Variants in STK24 observed in about 807,000 individuals in gnomAD.
STK24 encodes serine/threonine-protein kinase 24.
STK24 carries 21 observed loss-of-function variants against 55.6 expected under a neutral mutation model. The ratio of observed to expected loss-of-function variants is 0.38; its 90% CI spans 0.27 to 0.54. The LOEUF is 0.54. Ranked by LOEUF, STK24 falls within the 20% of genes least tolerant of loss-of-function variation. STK24 has a pLI of 0.79. For synonymous variants in STK24, 200 were observed against 215.2 expected (o/e 0.93, Z 0.62); for missense variants, 383 against 538.4 (o/e 0.71, Z 2.86).
intron 3 of STK24, among the ~76,000 whole-genome samples, chr13:98,478,457 T>G (rs2139295730): frequency 6.6e-6 from 1 of 152,284 alleles, no homozygotes; most frequent in East Asian, 1.9e-4. Flanking sequence ...GTCTTGGCCC[T>G]GAAGCACTGG....
At chr13:98,470,351 G>T (rs12857968) in intron 5 of STK24, among the ~76,000 whole-genome samples, 4,997 of 152,276 alleles carry the variant, frequency 0.033, 92 homozygotes, top group Non-Finnish European at 0.053. Context: ...GGTTGGTCTT[G>T]AACTCCTGGC....
At chr13:98,545,300 G>A (rs11617083) in intron 1 of STK24, among the ~76,000 whole-genome samples, 17,601 of 152,174 alleles carry the variant, frequency 0.12, 1,254 homozygotes, top group Non-Finnish European at 0.16. Context: ...GGCATATTTC[G>A]GGAAAAGCAG....
Position 98,576,966 on chromosome 13 carries a change from G to A in STK24, c.-180C>T, listed in dbSNP as rs924287544. 5 of 173,038 alleles carry A rather than the reference G, an allele frequency of 2.9e-5. No homozygotes were observed. Among genetic ancestry groups the A allele is most frequent in the Admixed American group, 2.0e-4 (3 of 14,742 alleles). The allele number at this position is 173,038 out of a possible 1,614,324, so 10.7% of individuals were successfully genotyped here. The stretch of plus-strand genomic sequence containing the variant: ...GGGGCTCAGCGGCGGGTGGCGGGCC[G>A]CGTCTCCATGCACGGCGCCAGGGAG... On this transcript the variant is annotated 5_prime_UTR_variant, in exon 1 of 11. Coordinates refer to ENST00000539966, the MANE Select transcript of STK24 (RefSeq NM_001032296.4).
intron 1 of STK24, among the ~76,000 whole-genome samples, chr13:98,523,863 C>T (rs1896342868): frequency 6.6e-6 from 1 of 152,202 alleles, no homozygotes; most frequent in African/African-American, 2.4e-5. Context: ...TGGGCACTGC[C>T]CCAGCGGAGG....
chr13:98,476,684 C>T (rs1169367889), intron 3 of STK24, among the ~76,000 whole-genome samples: 1 of 152,174 alleles, frequency 6.6e-6, no homozygotes, highest in South Asian at 2.1e-4. Flanking sequence ...TGGGGGCAAC[C>T]GAGACAGCCC....
At chr13:98,462,771 C>T (rs1041085924) in intron 7 of STK24, among the ~76,000 whole-genome samples, 3 of 152,192 alleles carry the variant, frequency 2.0e-5, no homozygotes, top group East Asian at 1.9e-4. Flanking sequence ...GACTCACACA[C>T]GGTTCACCCC....
Position 98,447,085 on chromosome 13 carries a change from G to A in STK24, c.*6088C>T, listed in dbSNP as rs1470294212. 9.9e-6 allele frequency: 4 copies of A among 404,764 alleles called. No homozygotes were observed. Among genetic ancestry groups the A allele is most frequent in the Non-Finnish European group, 1.8e-5 (4 of 219,340 alleles). The allele number at this position is 404,764 out of a possible 1,614,324, so 25.1% of individuals were successfully genotyped here. A position where few individuals can be genotyped will look rare whatever the true frequency, so the allele number is the denominator to read the frequency against. ...TGGAGATCTCTGACATAACGTGTCC[G>A]GGATGATGAAGCTAAGCCCCAGTGA... On this transcript the variant is annotated 3_prime_UTR_variant, in exon 11 of 11. Transcript: ENST00000539966.
intron 1 of STK24, among the ~76,000 whole-genome samples, chr13:98,525,709 C>T (rs7324994): frequency 0.3 from 45,448 of 152,028 alleles, 6,975 homozygotes; most frequent in Non-Finnish European, 0.33. Context: ...CCCCACAAGC[C>T]GCCTCACACT....
intron 1 of STK24, chr13:98,576,104 G>C (rs1312968732): frequency 1.0e-6 from 1 of 985,016 alleles, no homozygotes; most frequent in East Asian, 1.1e-4. Flanking sequence ...GGCTGTCCGA[G>C]GGATTCCTCC....
rs1897467769 is a variant in STK24, at chr13:98,562,976, T to C, written c.42+13769A>G. Among the ~76,000 whole-genome samples, 3 of 151,006 alleles carry C rather than the reference T, an allele frequency of 2.0e-5. No homozygotes were observed. The South Asian group carries it at 6.3e-4, about 32-fold the overall frequency. The stretch of plus-strand genomic sequence containing the variant: ...AAAATAGAAAATAACATATTTTATA[T>C]GAACGTACCTGCATGCACAGAAACG... On this transcript the variant is annotated intron_variant, in intron 1 of 10. Coordinates refer to ENST00000539966, the MANE Select transcript of STK24 (RefSeq NM_001032296.4).
At chr13:98,483,079 A>G (rs910525008) in intron 2 of STK24, among the ~76,000 whole-genome samples, 7 of 152,196 alleles carry the variant, frequency 4.6e-5, no homozygotes, top group African/African-American at 1.7e-4. Context: ...CACAAATCCC[A>G]AAGTGCTACT....
intron 1 of STK24, chr13:98,521,793 A>C (rs1189164980): frequency 1.3e-6 from 1 of 781,040 alleles, no homozygotes; most frequent in African/African-American, 1.7e-5. Context: ...CTCCAGGATG[A>C]GGTAGAGTGG....
intron 3 of STK24, among the ~76,000 whole-genome samples, chr13:98,479,562 T>TG: frequency 6.6e-6 from 1 of 152,328 alleles, no homozygotes; most frequent in Admixed American, 6.5e-5. Flanking sequence ...AAAGCCTCTC[T>TG]GCTTCGTCCT....
chr13:98,462,652 G>A (rs1020482546), intron 7 of STK24, among the ~76,000 whole-genome samples: 10 of 151,956 alleles, frequency 6.6e-5, no homozygotes, highest in African/African-American at 2.2e-4. Flanking sequence ...CGGCTCAAGT[G>A]ACCTCCACAG....
At chr13:98,560,633 C>G (rs1387234932) in intron 1 of STK24, among the ~76,000 whole-genome samples, 1 of 152,164 alleles carries the variant, frequency 6.6e-6, no homozygotes, top group East Asian at 1.9e-4. Context: ...AATCCCAGCA[C>G]TTTGGAAAGC....
intron 1 of STK24, among the ~76,000 whole-genome samples, chr13:98,520,565 A>C (rs1594635421): frequency 6.6e-6 from 1 of 152,204 alleles, no homozygotes; most frequent in South Asian, 2.1e-4. Flanking sequence ...GAATGAGGAG[A>C]AGAAAGATGA....
intron 1 of STK24, among the ~76,000 whole-genome samples, chr13:98,524,360 C>G (rs1896358506): frequency 6.6e-6 from 1 of 152,302 alleles, no homozygotes; most frequent in African/African-American, 2.4e-5. Flanking sequence ...GCAGTGTTCG[C>G]TCTGCCTCCT....
intron 5 of STK24, among the ~76,000 whole-genome samples, chr13:98,474,123 C>T (rs767118879): frequency 8.6e-5 from 13 of 152,042 alleles, no homozygotes; most frequent in Non-Finnish European, 1.5e-4. Context: ...GGCAAAGTCC[C>T]GGGATTTTTT....
intron 1 of STK24, among the ~76,000 whole-genome samples, chr13:98,525,534 C>T (rs977182371): frequency 6.6e-6 from 1 of 152,176 alleles, no homozygotes; most frequent in African/African-American, 2.4e-5. Context: ...CACAGCACCC[C>T]CTCCCCAGGC....
Sources: gnomAD v4.1 joint callset for allele counts (sites outside exome capture counted in the v4.1 genomes callset) on GRCh38, gnomAD v4.1.1 for gene constraint, MANE v1.5 for transcripts, NCBI Gene and HGNC (gene_info 2026-07-23, HGNC 2026-07-21) for gene names.